Variants in PCNX2 observed in about 807,000 individuals in gnomAD.
PCNX2 encodes pecanex 2.
PCNX2 carries 168 observed loss-of-function variants against 223.8 expected under a neutral mutation model. The ratio of observed to expected loss-of-function variants is 0.75; its 90% CI spans 0.66 to 0.85. The LOEUF is 0.85. Among genes scored for constraint, PCNX2 ranks in the 40% least tolerant of loss-of-function variants. The pLI is 0.00. For synonymous variants in PCNX2, 1,006 were observed against 1,052.6 expected, an observed-to-expected ratio of 0.96 and a Z score of 0.86; for missense variants, 2,507 against 2,675.5, an observed-to-expected ratio of 0.94 and a Z score of 1.39.
chr1:233,113,676 G>C (rs1675247571), intron 21 of PCNX2, among the ~76,000 whole-genome samples: 1 of 152,216 alleles, frequency 6.6e-6, no homozygotes, highest in South Asian at 2.1e-4. Context: ...ACGCACTAGA[G>C]GTGTGTGTTC....
At chr1:233,169,601 C>T (rs1024507324) in intron 17 of PCNX2, among the ~76,000 whole-genome samples, 2 of 146,298 alleles carry the variant, frequency 1.4e-5, no homozygotes, top group African/African-American at 5.1e-5. Flanking sequence ...GTCGAGATCG[C>T]GCCACTGCAC....
At chr1:233,024,325 C>T (rs1037496366) in intron 26 of PCNX2, among the ~76,000 whole-genome samples, 1 of 152,234 alleles carries the variant, frequency 6.6e-6, no homozygotes, top group East Asian at 1.9e-4. Flanking sequence ...TGTCTCGGCA[C>T]GCTGGCAGAG....
chr1:233,154,947 T>A (rs978626368), intron 19 of PCNX2, among the ~76,000 whole-genome samples: 5 of 151,426 alleles, frequency 3.3e-5, no homozygotes, highest in Non-Finnish European at 5.9e-5. Context: ...CACACACCTG[T>A]AATTCCAGCT....
chr1:233,252,628 A>G lies in PCNX2; in HGVS notation c.1982+13T>C. The G allele has an allele frequency of 2.5e-6, 4 of 1,605,540 alleles. No individual in the cohort carries two copies. The highest frequency in any genetic ancestry group is 1.7e-4 in the Middle Eastern group (1 of 6,004). On this transcript the variant is annotated intron_variant, in intron 6 of 33. Coordinates refer to ENST00000258229, the MANE Select transcript of PCNX2 (RefSeq NM_014801.4). ...ATGACCAAGTGAAACTAAATTAAGT[A>G]ACTTATCCTTACAAGGCTGTGGTCT... is the stretch of plus-strand genomic sequence containing the variant.
chr1:233,272,903 C>A (rs1660717261), intron 1 of PCNX2, among the ~76,000 whole-genome samples: 1 of 151,990 alleles, frequency 6.6e-6, no homozygotes, highest in Non-Finnish European at 1.5e-5. Context: ...GAATGGAAAA[C>A]CAAATACCAT....
At chr1:233,045,829 A>G (rs1421412024) in intron 25 of PCNX2, among the ~76,000 whole-genome samples, 1 of 152,236 alleles carries the variant, frequency 6.6e-6, no homozygotes, top group African/African-American at 2.4e-5. Context: ...TATCAATGAC[A>G]TGATGCCAGT....
At chr1:233,261,565 T>C (rs1428961842) in intron 3 of PCNX2, among the ~76,000 whole-genome samples, 1 of 152,108 alleles carries the variant, frequency 6.6e-6, no homozygotes, top group African/African-American at 2.4e-5. Context: ...ACTAAGAAAG[T>C]AAGCAAAGAA....
intron 15 of PCNX2, among the ~76,000 whole-genome samples, chr1:233,186,509 G>A (rs1680107561): frequency 6.6e-6 from 1 of 152,044 alleles, no homozygotes; most frequent in Non-Finnish European, 1.5e-5. Flanking sequence ...CTAGGCTCTG[G>A]CATCCCCGAA....
At chr1:232,989,339 A>T (rs949426861) in intron 32 of PCNX2, among the ~76,000 whole-genome samples, 2 of 152,130 alleles carry the variant, frequency 1.3e-5, no homozygotes, top group Admixed American at 6.5e-5. Context: ...CTGTAGTCCC[A>T]GCTACTCAGG....
chr1:233,027,269 G>A (rs966149865), intron 25 of PCNX2, among the ~76,000 whole-genome samples: 2 of 152,188 alleles, frequency 1.3e-5, no homozygotes, highest in East Asian at 3.8e-4. Flanking sequence ...ACGGGTTGTG[G>A]TGGAATGGTG....
rs138376009 is a variant in PCNX2, at chr1:233,186,446, C to T, written c.3067-7271G>A. Among the ~76,000 whole-genome samples, 314 of 152,236 alleles carry T rather than the reference C, an allele frequency of 2.1e-3. 2 individuals carry two copies. The highest frequency in any genetic ancestry group is 7.4e-3 in the African/African-American group (306 of 41,538). ...GTGCTCTCTCTTCTTACTTCACACA[C>T]GGCCTGCGGAGTGTCATGTGGCCGG... On this transcript the variant is annotated intron_variant, in intron 15 of 33. Transcript: ENST00000258229.
intron 15 of PCNX2, among the ~76,000 whole-genome samples, chr1:233,179,958 A>C (rs1304183984): frequency 6.6e-6 from 1 of 152,260 alleles, no homozygotes; most frequent in African/African-American, 2.4e-5. Flanking sequence ...TGTGAGGTCC[A>C]GCTCCAGCCA....
chr1:233,218,703 T>C, intron 10 of PCNX2, among the ~76,000 whole-genome samples: 1 of 152,146 alleles, frequency 6.6e-6, no homozygotes, highest in East Asian at 1.9e-4. Flanking sequence ...AAATCCAACT[T>C]AATACCAGAT....
chr1:233,197,748 C>T (rs576894363), intron 15 of PCNX2, among the ~76,000 whole-genome samples: 1 of 152,148 alleles, frequency 6.6e-6, no homozygotes, highest in African/African-American at 2.4e-5. Flanking sequence ...TTCTCTTTCA[C>T]AAAGGGAAAT....
At chr1:233,067,365 C>CAAAAAAAAAAAAAAAAAAAAAAAAAA (rs750823791) in intron 23 of PCNX2, among the ~76,000 whole-genome samples, 4 of 3,890 alleles carry the variant, frequency 1.0e-3, no homozygotes, top group African/African-American at 1.2e-3. Context: ...AGAGCTTCAG[C>CAAAAAAAAAAAAAAAAAAAAAAAAAA]AAAAAAAAAA....
At chr1:233,222,448 T>C (rs1245387780) in intron 10 of PCNX2, among the ~76,000 whole-genome samples, 2 of 152,110 alleles carry the variant, frequency 1.3e-5, no homozygotes. Context: ...TCCCAGCTAC[T>C]TGGGAGGCTG....
intron 21 of PCNX2, among the ~76,000 whole-genome samples, chr1:233,133,646 A>G (rs565622533): frequency 2.6e-4 from 40 of 152,296 alleles, no homozygotes; most frequent in Middle Eastern, 3.4e-3. Context: ...ACTTGAGGCC[A>G]GGGGTTGGAG....
Position 232,990,915 on chromosome 1 carries a change from G to A in PCNX2, c.5792-4375C>T, listed in dbSNP as rs1242147399. Among the ~76,000 whole-genome samples the A allele has an allele frequency of 2.0e-5, 3 of 152,242 alleles. No individual in the cohort carries two copies. Among genetic ancestry groups the A allele is most frequent in the African/African-American group, 7.2e-5 (3 of 41,470 alleles). On this transcript the variant is annotated intron_variant, in intron 32 of 33. Coordinates refer to ENST00000258229, the MANE Select transcript of PCNX2 (RefSeq NM_014801.4). The surrounding 1 kb of genome is among the most constrained non-coding windows in gnomAD (Gnocchi z 4.3). ...CCCCAGACGGGCATGTGAATGGGGA[G>A]GCTCCAGTGCATGCAGGCAGCCCCT...
Position 233,135,194 on chromosome 1 carries a change from T to C in PCNX2, c.3660-4A>G. 2 of 1,611,940 alleles carry C rather than the reference T, an allele frequency of 1.2e-6. No individual in the cohort carries two copies. The highest frequency in any genetic ancestry group is 1.7e-5 in the Admixed American group (1 of 59,594). ...GATCATCAGAAAAATGTCCCAGCTG[T>C]TGGAAACAAAAGAAAAGATGCAATC... On this transcript the variant is annotated splice_region_variant and splice_polypyrimidine_tract_variant and intron_variant, in intron 20 of 33. Coordinates refer to ENST00000258229, the MANE Select transcript of PCNX2 (RefSeq NM_014801.4).
Sources: allele counts gnomAD v4.1 joint callset (sites outside exome capture counted in the v4.1 genomes callset), GRCh38; gene constraint gnomAD v4.1.1; non-coding constraint Gnocchi (gnomAD v3.1); transcripts MANE v1.5; gene names NCBI Gene and HGNC (gene_info 2026-07-23, HGNC 2026-07-21).